Variants in PBK observed in about 807,000 individuals in gnomAD.
The protein encoded by PBK is PDZ binding kinase, also known as lymphokine-activated killer T-cell-originated protein kinase.
In PBK, 22 loss-of-function variants were observed where a neutral mutation model predicts 33.5. The observed-to-expected ratio is 0.66, with a 90% confidence interval of 0.47 to 0.94. The LOEUF (loss-of-function observed/expected upper bound fraction) is 0.94. Ranked by LOEUF, PBK falls within the 40% of genes least tolerant of loss-of-function variation. The probability of loss-of-function intolerance (pLI) is 0.00; values close to 1 mark genes in which losing one functional copy is unlikely to be tolerated. For synonymous variants in PBK, 129 were observed against 123.8 expected (o/e 1.04, Z -0.28); for missense variants, 376 against 383.4 (o/e 0.98, Z 0.16).
At chr8:27,824,398 GAC>G (rs1189846121) in intron 3 of PBK, among the ~76,000 whole-genome samples, 2 of 151,096 alleles carry the variant, frequency 1.3e-5, no homozygotes, top group Admixed American at 1.3e-4. Flanking sequence ...TCATTAAAAA[GAC>G]TAATAGAAAA....
intron 6 of PBK, among the ~76,000 whole-genome samples, chr8:27,814,407 G>T (rs368684620): frequency 1.3e-5 from 2 of 151,966 alleles, no homozygotes; most frequent in African/African-American, 4.8e-5. Context: ...TTGGTGACTT[G>T]TGTTCTCTTT....
At chr8:27,834,895 CAAA>C (rs547858262) in intron 1 of PBK, among the ~76,000 whole-genome samples, 1 of 121,450 alleles carries the variant, frequency 8.2e-6, no homozygotes. Context: ...GATTCCATCT[CAAA>C]AAAAAAAAAG....
chr8:27,810,417 A>C lies in PBK; in HGVS notation c.857T>G (p.Leu286Arg). Reference protein sequence around the residue: ...GTRPPINMEELDESYQKVIEL... With the variant: ...GTRPPINMEERDESYQKVIEL... ...AATTACTTTCTGGTATGATTCATCC[A>C]GTTCTTCCATATTAATAGGTGGCCT... The change falls in exon 8 of 8, where the codon CTG (leucine) becomes CGG (arginine). Residue 286 changes from leucine (L) to arginine (R), a missense_variant. Physicochemically the swap from Leu to Arg is moderately radical, Grantham distance 102. Coordinates refer to ENST00000301905, the MANE Select transcript of PBK (RefSeq NM_018492.4). 1 of 1,606,566 alleles carries C rather than the reference A, an allele frequency of 6.2e-7. No individual in the cohort carries two copies. The highest frequency in any genetic ancestry group is 8.5e-7 in the Non-Finnish European group (1 of 1,173,148).
chr8:27,833,218 G>A lies in PBK; in HGVS notation c.-20-85C>T, dbSNP rs935373403. The stretch of plus-strand genomic sequence containing the variant: ...TGAAGAAAAATGCCAATAGCCAGGC[G>A]CAGTGGATCATGCCTGTAATCCCAG... On this transcript the variant is annotated intron_variant, in intron 1 of 7. Coordinates refer to ENST00000301905, the MANE Select transcript of PBK (RefSeq NM_018492.4). 33 of 671,846 alleles carry A rather than the reference G, an allele frequency of 4.9e-5. 1 individual carries two copies. Among genetic ancestry groups the A allele is most frequent in the South Asian group, 2.6e-4 (13 of 50,556 alleles). The allele number at this position is 671,846 out of a possible 1,614,324, so 41.6% of individuals were successfully genotyped here. A position where few individuals can be genotyped will look rare whatever the true frequency, so the allele number is the denominator to read the frequency against.
At chr8:27,820,819 TCA>T in intron 5 of PBK, 125 bp from the exon 6 acceptor site, 29 of 495,340 alleles carry the variant, frequency 5.9e-5, no homozygotes, top group East Asian at 2.4e-4. Context: ...GTCCAGCGTT[TCA>T]AAATTTTTTT....
At chr8:27,829,273 C>A (rs2128965102) in intron 2 of PBK, among the ~76,000 whole-genome samples, 1 of 152,304 alleles carries the variant, frequency 6.6e-6, no homozygotes, top group Non-Finnish European at 1.5e-5. Context: ...AGGAACACTT[C>A]ATATCACCAT....
chr8:27,810,612 A>G, intron 7 of PBK, 111 bp from the exon 8 acceptor site: 1 of 640,580 alleles, frequency 1.6e-6, no homozygotes. Flanking sequence ...TATGCTTTCC[A>G]TTCTGCCACA....
In PBK at chr8:27,820,722, T is replaced by C. The variant is rs367971586; in HGVS notation, c.466-28A>G. 43 of 1,371,278 alleles carry C rather than the reference T, an allele frequency of 3.1e-5. No individual in the cohort carries two copies. The African/African-American group carries it at 4.7e-4, about 15-fold the overall frequency. 84.9% of individuals were successfully genotyped at this position (1,371,278 alleles called of 1,614,324 possible). A position where few individuals can be genotyped will look rare whatever the true frequency, so the allele number is the denominator to read the frequency against. ...AAAATAGTAAAAAATTTAACACATATGTGCAGAAACACAAACTAATAAAAA... is the reference window on the plus strand; with the variant it reads ...AAAATAGTAAAAAATTTAACACATACGTGCAGAAACACAAACTAATAAAAA... On this transcript the variant is annotated intron_variant, in intron 5 of 7. Coordinates refer to ENST00000301905, the MANE Select transcript of PBK (RefSeq NM_018492.4).
At chr8:27,834,217 G>A (rs182428231) in intron 1 of PBK, among the ~76,000 whole-genome samples, 16 of 152,040 alleles carry the variant, frequency 1.1e-4, no homozygotes, top group South Asian at 1.0e-3. Flanking sequence ...TGGTAGAGAC[G>A]GTGTTTCACC....
At chr8:27,816,343 C>CATA (rs1554559819) in intron 6 of PBK, among the ~76,000 whole-genome samples, 9 of 136,356 alleles carry the variant, frequency 6.6e-5, no homozygotes, top group African/African-American at 2.6e-4. Flanking sequence ...TCATCGAATA[C>CATA]TATATATATA....
intron 1 of PBK, among the ~76,000 whole-genome samples, chr8:27,835,260 C>T (rs935859805): frequency 2.6e-5 from 4 of 152,130 alleles, no homozygotes; most frequent in African/African-American, 9.7e-5. Context: ...GCTACAATCA[C>T]TATTGTCTTC....
At chr8:27,836,821 T>G (rs1447598485) in intron 1 of PBK, among the ~76,000 whole-genome samples, 1 of 152,128 alleles carries the variant, frequency 6.6e-6, no homozygotes, top group African/African-American at 2.4e-5. Flanking sequence ...TACGACTGAG[T>G]CCCACCTTCT....
At chr8:27,815,129 T>C (rs1417194142) in intron 6 of PBK, among the ~76,000 whole-genome samples, 1 of 152,214 alleles carries the variant, frequency 6.6e-6, no homozygotes, top group Non-Finnish European at 1.5e-5. Flanking sequence ...AGGAAAGTTC[T>C]GCCCTGAGAG....
chr8:27,826,075 G>C (rs995330663), intron 3 of PBK, among the ~76,000 whole-genome samples: 1 of 152,170 alleles, frequency 6.6e-6, no homozygotes, highest in Admixed American at 6.5e-5. Context: ...ATCCAGGACA[G>C]TGGGGGGGAC....
intron 1 of PBK, 127 bp from the exon 2 acceptor site, chr8:27,833,260 G>C (rs1485880015): frequency 1.9e-6 from 1 of 512,944 alleles, no homozygotes; most frequent in Non-Finnish European, 3.4e-6. Flanking sequence ...GGGAGGCTGA[G>C]GTGGGTGGAT....
intron 5 of PBK, 77 bp downstream of exon 5, chr8:27,822,242 G>A: frequency 9.3e-7 from 1 of 1,077,630 alleles, no homozygotes; most frequent in South Asian, 1.5e-5. Flanking sequence ...ATTCAAAGAT[G>A]TCCTGCAAAG....
chr8:27,828,502 T>G (rs1483688081), intron 2 of PBK, among the ~76,000 whole-genome samples: 1 of 152,132 alleles, frequency 6.6e-6, no homozygotes, highest in Non-Finnish European at 1.5e-5. Flanking sequence ...TGGTGGCTCA[T>G]GCCTATAATC....
Position 27,833,056 on chromosome 8 carries a change from C to A in PBK, c.58G>T (p.Val20Leu), listed in dbSNP as rs2128965933. 1 of 1,566,742 alleles carries A rather than the reference C, an allele frequency of 6.4e-7. No individual in the cohort carries two copies. Among genetic ancestry groups the A allele is most frequent in the Non-Finnish European group, 8.7e-7 (1 of 1,147,058 alleles). The change falls in exon 2 of 8, where the codon GTA becomes TTA. Residue 20 changes from valine (V) to leucine (L), a missense_variant and splice_region_variant. By Grantham distance (32) the Val-to-Leu change is conservative (BLOSUM62 1). Coordinates refer to ENST00000301905, the MANE Select transcript of PBK (RefSeq NM_018492.4). ...PSKLSEKKKS[V>L]LCSTPTINIP... is the part of the protein sequence containing the mutation. The stretch of plus-strand genomic sequence containing the variant: ...AAAAATCTTACATCTGCTATCTTAC[C>A]AGATTTCTTTTTTTCTGATAATTTG...
intron 3 of PBK, among the ~76,000 whole-genome samples, chr8:27,826,076 TG>T (rs565581714): frequency 1.3e-5 from 2 of 151,722 alleles, no homozygotes; most frequent in South Asian, 4.2e-4. Flanking sequence ...TCCAGGACAG[TG>T]GGGGGGACAG....
Sources: allele counts gnomAD v4.1 joint callset (sites outside exome capture counted in the v4.1 genomes callset), GRCh38; gene constraint gnomAD v4.1.1; transcripts MANE v1.5; gene names NCBI Gene and HGNC (gene_info 2026-07-23, HGNC 2026-07-21).